PSEN2: variants seen among roughly 807,000 people sequenced by gnomAD.
The protein encoded by PSEN2 is presenilin 2, also known as presenilin-2.
In PSEN2, 32 loss-of-function variants were observed where a neutral mutation model predicts 49.1. The ratio of observed to expected loss-of-function variants is 0.65; its 90% CI spans 0.49 to 0.88. The LOEUF (loss-of-function observed/expected upper bound fraction) is 0.88, where lower values mean the gene tolerates loss of function less well. PSEN2 is among the 40% of genes least tolerant of loss of function. PSEN2 has a pLI of 0.00. For synonymous variants in PSEN2, 255 were observed against 244.0 expected, an observed-to-expected ratio of 1.05 and a Z score of -0.42; for missense variants, 522 against 586.9, an observed-to-expected ratio of 0.89 and a Z score of 1.14.
At chr1:226,893,693 G>A (rs1358980333) in intron 11 of PSEN2, among the ~76,000 whole-genome samples, 1 of 152,196 alleles carries the variant, frequency 6.6e-6, no homozygotes, top group Non-Finnish European at 1.5e-5. Flanking sequence ...CCCAGCCCAA[G>A]GCCTTGCATT....
downstream of PSEN2, among the ~76,000 whole-genome samples, chr1:226,897,200 G>A (rs940543619): frequency 2.6e-5 from 4 of 152,172 alleles, no homozygotes; most frequent in African/African-American, 9.7e-5. Context: ...AGGTTAAGGG[G>A]AAAGAAAAAC....
intron 3 of PSEN2, chr1:226,880,744 T>C (rs1220033780): frequency 6.2e-7 from 1 of 1,610,930 alleles, no homozygotes; most frequent in African/African-American, 1.3e-5. Flanking sequence ...GTCCCCCACT[T>C]GGTACTACTG....
At chr1:226,897,944 G>A (rs1662207486), downstream of PSEN2, 1 of 154,718 alleles carries the variant, frequency 6.5e-6, no homozygotes, top group South Asian at 2.0e-4. Flanking sequence ...TATAAATGTA[G>A]CTCCAGTTCA....
At chr1:226,874,428 C>T (rs2793461) in intron 2 of PSEN2, among the ~76,000 whole-genome samples, 15 of 151,936 alleles carry the variant, frequency 9.9e-5, no homozygotes, top group Admixed American at 7.9e-4. Context: ...ATGGCCTTTA[C>T]GGTCCTTGCC....
At chr1:226,887,835 T>TG (rs917723784) in intron 6 of PSEN2, among the ~76,000 whole-genome samples, 1 of 151,962 alleles carries the variant, frequency 6.6e-6, no homozygotes, top group Admixed American at 6.6e-5. Flanking sequence ...CCAGTAGAGA[T>TG]GGGGGGAGAC....
intron 11 of PSEN2, 68 bp downstream of exon 11, chr1:226,891,912 C>T: frequency 7.1e-7 from 1 of 1,417,700 alleles, no homozygotes; most frequent in Non-Finnish European, 1.0e-6. Context: ...GGTGGAGGCT[C>T]CCTGCAGCCT....
intron 8 of PSEN2, 111 bp downstream of exon 8, chr1:226,889,160 A>T (rs1276036766): frequency 4.9e-6 from 5 of 1,014,648 alleles, no homozygotes; most frequent in Non-Finnish European, 5.9e-6. Flanking sequence ...CCCTTTCTGC[A>T]GAGGCCTGGG....
intron 3 of PSEN2, among the ~76,000 whole-genome samples, chr1:226,881,301 G>A (rs570281565): frequency 1.3e-5 from 2 of 152,116 alleles, no homozygotes; most frequent in South Asian, 2.1e-4. Flanking sequence ...TCCACTGCCC[G>A]CCCCACAGTG....
intron 11 of PSEN2, among the ~76,000 whole-genome samples, chr1:226,892,194 C>T (rs1164737608): frequency 6.6e-6 from 1 of 152,130 alleles, no homozygotes; most frequent in Non-Finnish European, 1.5e-5. Flanking sequence ...GGCAGGAGAG[C>T]ATGCCACGGG....
intron 7 of PSEN2, among the ~76,000 whole-genome samples, chr1:226,888,448 A>G (rs537558441): frequency 6.6e-6 from 1 of 152,262 alleles, no homozygotes; most frequent in African/African-American, 2.4e-5. Context: ...AACCCCCCAA[A>G]ATTTACATTC....
intron 2 of PSEN2, among the ~76,000 whole-genome samples, chr1:226,873,975 C>T (rs910074363): frequency 1.3e-5 from 2 of 152,160 alleles, no homozygotes; most frequent in Non-Finnish European, 2.9e-5. Flanking sequence ...AAGCAGTGCC[C>T]TCTGTCCTCC....
At chr1:226,879,383 C>A (rs1262425819) in intron 3 of PSEN2, among the ~76,000 whole-genome samples, 1 of 152,192 alleles carries the variant, frequency 6.6e-6, no homozygotes, top group Non-Finnish European at 1.5e-5. Context: ...AGGGCCCACA[C>A]CTCTTCTGCA....
Position 226,891,819 on chromosome 1 carries a change from G to A in PSEN2, c.1047G>A (p.Gly349=). 5 of 1,614,128 alleles carry A rather than the reference G, an allele frequency of 3.1e-6. No homozygotes were observed. The highest frequency in any genetic ancestry group is 4.2e-6 in the Non-Finnish European group (5 of 1,179,988). ...AGCCTCCCTTGACTGGCTACCCAGGGGAGGAGCTGGAGGAAGAGGAGGAAA... is the reference window on the plus strand; with the variant it reads ...AGCCTCCCTTGACTGGCTACCCAGGAGAGGAGCTGGAGGAAGAGGAGGAAA... ...VFEPPLTGYP[G]EELEEEEERG... Residue 349 remains glycine, a synonymous_variant, in exon 11 of 13, where the codon GGG becomes GGA. Transcript: ENST00000366783.
intron 12 of PSEN2, 24 bp from the exon 13 acceptor site, chr1:226,895,400 C>T (rs552007162): frequency 1.9e-6 from 3 of 1,613,730 alleles, no homozygotes; most frequent in African/African-American, 1.3e-5. Context: ...TCACCACGCT[C>T]ACCCTCCCCT....
At position 226,893,989 on chromosome 1, in the gene PSEN2, C is replaced by T; in HGVS notation, c.1073-18C>T. 1 of 1,595,566 alleles carries T rather than the reference C, an allele frequency of 6.3e-7. No individual in the cohort carries two copies. The highest frequency in any genetic ancestry group is 8.6e-7 in the Non-Finnish European group (1 of 1,163,032). On this transcript the variant is annotated intron_variant, in intron 11 of 12. Transcript: ENST00000366783. The stretch of plus-strand genomic sequence containing the variant: ...GTGCACGCCTCTTCAGTACGGGTTA[C>T]TGTCTCTCCTCACACAGGGGGCGTG...
chr1:226,901,492 C>T (rs1047509116), downstream of PSEN2, among the ~76,000 whole-genome samples: 6 of 150,886 alleles, frequency 4.0e-5, no homozygotes, highest in Non-Finnish European at 5.9e-5. Flanking sequence ...GAGGCTGAGT[C>T]GTGAGAATCA....
At chr1:226,876,248 A>G (rs1660622033) in intron 3 of PSEN2, among the ~76,000 whole-genome samples, 1 of 152,084 alleles carries the variant, frequency 6.6e-6, no homozygotes, top group South Asian at 2.1e-4. Context: ...GCTTCAGAGC[A>G]GACTTAGGTG....
Position 226,891,301 on chromosome 1 carries a change from A to AT in PSEN2, c.911dup (p.Met304IlefsTer26). On this transcript the variant is annotated frameshift_variant, in exon 10 of 13. Transcript: ENST00000366783. LOFTEE classifies it high-confidence loss of function. ...AGCTGCCATGGTGTGGACGGTTGGC[A>AT]TGGCGAAGCTGGACCCCTCCTCTCA... is the stretch of plus-strand genomic sequence containing the variant. The AT allele has an allele frequency of 6.2e-7, 1 of 1,613,998 alleles. No homozygotes were observed. The highest frequency in any genetic ancestry group is 8.5e-7 in the Non-Finnish European group (1 of 1,179,996).
chr1:226,880,480 C>T (rs183725807), intron 3 of PSEN2: 7 of 1,471,252 alleles, frequency 4.8e-6, no homozygotes, highest in Non-Finnish European at 6.3e-6. Context: ...GTGTGAAGCT[C>T]AGCCCTGAGG....
Sources: allele counts gnomAD v4.1 joint callset (sites outside exome capture counted in the v4.1 genomes callset), GRCh38; gene constraint gnomAD v4.1.1; transcripts MANE v1.5; gene names NCBI Gene and HGNC (gene_info 2026-07-23, HGNC 2026-07-21).